Variants in ZNG1F observed in about 807,000 individuals in gnomAD.
ZNG1F encodes the protein zinc-regulated GTPase metalloprotein activator 1F.
At chr9:41,132,012 G>C in the ZNG1F span, 349 of 724,408 alleles carry the variant, frequency 4.8e-4, 15 homozygotes, top group Non-Finnish European at 6.6e-4. Context: ...AAGTCACATT[G>C]GTCCTTGGAT....
chr9:41,139,592 A>C, the ZNG1F span, among the ~76,000 whole-genome samples: 1 of 151,092 alleles, frequency 6.6e-6, no homozygotes, highest in Non-Finnish European at 1.5e-5. Context: ...GAAAAGCGGA[A>C]AAGTGCTTTC....
At chr9:41,195,573 A>G in the ZNG1F span, among the ~76,000 whole-genome samples, 1 of 143,790 alleles carries the variant, frequency 7.0e-6, no homozygotes, top group Non-Finnish European at 1.5e-5. Context: ...CAGTTGAGTC[A>G]CTTGTAAGTC....
At chr9:41,178,645 C>T in the ZNG1F span, among the ~76,000 whole-genome samples, 2 of 23,412 alleles carry the variant, frequency 8.5e-5, no homozygotes, top group Admixed American at 5.7e-4. Context: ...CAGCTCACTG[C>T]CACCTCCGCC....
chr9:41,141,193 A>G, the ZNG1F span, among the ~76,000 whole-genome samples: 1 of 151,546 alleles, frequency 6.6e-6, no homozygotes, highest in Non-Finnish European at 1.5e-5. Flanking sequence ...ACACCAATAA[A>G]CTCTTTTCAT....
the ZNG1F span, among the ~76,000 whole-genome samples, chr9:41,174,082 T>C: frequency 6.9e-6 from 1 of 145,488 alleles, no homozygotes; most frequent in South Asian, 2.2e-4. Context: ...ATTAGCCAGG[T>C]ACGATGGTGC....
chr9:41,146,004 A>C, the ZNG1F span: 1 of 132,758 alleles, frequency 7.5e-6, no homozygotes, highest in African/African-American at 2.9e-5. Flanking sequence ...AGGACTGAAA[A>C]CCTTGCAGAT....
the ZNG1F span, chr9:41,157,158 G>A: frequency 6.9e-6 from 1 of 144,406 alleles, no homozygotes; most frequent in Non-Finnish European, 1.5e-5. Flanking sequence ...TTTAACATAA[G>A]CCCAGAAAAT....
the ZNG1F span, among the ~76,000 whole-genome samples, chr9:41,160,339 T>A: frequency 1.4e-3 from 94 of 68,702 alleles, no homozygotes; most frequent in African/African-American, 4.6e-3. Flanking sequence ...GGTAAAAAAA[T>A]TTTAAAAAAC....
the ZNG1F span, among the ~76,000 whole-genome samples, chr9:41,169,708 CT>C: frequency 6.8e-6 from 1 of 147,270 alleles, no homozygotes; most frequent in African/African-American, 2.6e-5. Context: ...CTTGAATCTG[CT>C]AAAACATAGA....
the ZNG1F span, among the ~76,000 whole-genome samples, chr9:41,155,367 G>T: frequency 6.7e-6 from 1 of 148,678 alleles, no homozygotes; most frequent in African/African-American, 2.5e-5. Flanking sequence ...AGGTGCTGGA[G>T]AGGATGTGGA....
chr9:41,144,428 T>C, the ZNG1F span, among the ~76,000 whole-genome samples: 1 of 126,684 alleles, frequency 7.9e-6, no homozygotes, highest in African/African-American at 2.9e-5. Flanking sequence ...CAAGGACTTG[T>C]ATTTCTCTCA....
chr9:41,200,824 A>T, the ZNG1F span, among the ~76,000 whole-genome samples: 1 of 152,122 alleles, frequency 6.6e-6, no homozygotes, highest in African/African-American at 2.4e-5. Context: ...CACCTTTTTA[A>T]AACCATCAGA....
the ZNG1F span, chr9:41,183,638 T>C: frequency 6.2e-7 from 1 of 1,604,320 alleles, no homozygotes; most frequent in African/African-American, 1.4e-5. Context: ...GGCTGACAGC[T>C]AAGGATTTCT....
chr9:41,146,200 CA>C, the ZNG1F span, among the ~76,000 whole-genome samples: 17 of 144,810 alleles, frequency 1.2e-4, 1 homozygote, highest in African/African-American at 4.1e-4. Flanking sequence ...TAAGCACACA[CA>C]AAAAAGTCAT....
At chr9:41,132,404 C>G in the ZNG1F span, 2 of 1,596,196 alleles carry the variant, frequency 1.3e-6, no homozygotes, top group South Asian at 2.2e-5. Flanking sequence ...TCAGTTCAAA[C>G]TTAAAAGCAG....
chr9:41,146,020 GC>G, the ZNG1F span: 1 of 136,180 alleles, frequency 7.3e-6, no homozygotes, highest in Admixed American at 7.8e-5. Context: ...CAGATGCTTT[GC>G]CTTGAAGAAC....
At chr9:41,146,621 T>TA in the ZNG1F span, among the ~76,000 whole-genome samples, 1 of 10,188 alleles carries the variant, frequency 9.8e-5, no homozygotes, top group African/African-American at 1.7e-4. Context: ...TCTGCACACA[T>TA]AAAATGTAAA....
the ZNG1F span, among the ~76,000 whole-genome samples, chr9:41,202,130 G>A: frequency 1.6e-5 from 2 of 121,284 alleles, no homozygotes; most frequent in Non-Finnish European, 3.7e-5. Context: ...AACAGAGCAC[G>A]CATCTGATAA....
At chr9:41,169,512 T>G in the ZNG1F span, among the ~76,000 whole-genome samples, 1 of 150,450 alleles carries the variant, frequency 6.6e-6, no homozygotes, top group African/African-American at 2.5e-5. Flanking sequence ...ATTTTGATAC[T>G]AATTAATCCA....
Sources: gnomAD v4.1 joint callset for allele counts (sites outside exome capture counted in the v4.1 genomes callset) on GRCh38, gnomAD v4.1.1 for gene constraint, MANE v1.5 for transcripts, NCBI Gene and HGNC (gene_info 2026-07-23, HGNC 2026-07-21) for gene names.